CYP3A43: variants seen among roughly 807,000 people sequenced by gnomAD.
CYP3A43 encodes cytochrome P450 family 3 subfamily A member 43, also known as cytochrome P450 3A43.
A neutral mutation model predicts 58.0 loss-of-function variants in CYP3A43; 45 were observed. The ratio of observed to expected loss-of-function variants is 0.78; its 90% CI spans 0.61 to 0.99. The LOEUF (loss-of-function observed/expected upper bound fraction) is 0.99. CYP3A43 is among the 50% of genes least tolerant of loss of function. CYP3A43 has a pLI of 0.00. For missense variants in CYP3A43, 593 were observed against 591.9 expected (o/e 1.00, Z -0.02); for synonymous variants, 191 against 201.4 (o/e 0.95, Z 0.44).
chr7:99,830,589 T>C (rs746607489), intron 1 of CYP3A43, among the ~76,000 whole-genome samples: 2 of 152,204 alleles, frequency 1.3e-5, no homozygotes, highest in African/African-American at 2.4e-5. Flanking sequence ...TACTTGTTCT[T>C]TGGAGCACTG....
intron 11 of CYP3A43, among the ~76,000 whole-genome samples, chr7:99,862,613 A>G (rs1475800840): frequency 6.6e-6 from 1 of 152,228 alleles, no homozygotes; most frequent in Admixed American, 6.5e-5. Context: ...TTTGGGCACA[A>G]TTTGCACTCT....
At chr7:99,857,818 G>A (rs982509939) in intron 9 of CYP3A43, among the ~76,000 whole-genome samples, 3 of 152,082 alleles carry the variant, frequency 2.0e-5, no homozygotes, top group Non-Finnish European at 4.4e-5. Context: ...ACTCCAGCCT[G>A]GGCAACAGAG....
chr7:99,832,918 T>C (rs549045392), intron 1 of CYP3A43, among the ~76,000 whole-genome samples: 5 of 152,260 alleles, frequency 3.3e-5, no homozygotes, highest in Admixed American at 6.5e-5. Flanking sequence ...TAGTTCTTTA[T>C]AGCAGTGTGA....
intron 1 of CYP3A43, among the ~76,000 whole-genome samples, chr7:99,829,602 C>G (rs1345731038): frequency 6.6e-6 from 1 of 152,216 alleles, no homozygotes; most frequent in Non-Finnish European, 1.5e-5. Flanking sequence ...TTGCCTACCT[C>G]TACTCCAACT....
At chr7:99,864,165 T>C (rs1172721381) in intron 12 of CYP3A43, among the ~76,000 whole-genome samples, 1 of 148,660 alleles carries the variant, frequency 6.7e-6, no homozygotes, top group Non-Finnish European at 1.5e-5. Context: ...AAATTCATGA[T>C]GCCTGGATCA....
rs1817087716 is a variant in CYP3A43, at chr7:99,836,545, G to C, written c.164G>C (p.Arg55Thr). ...PFLGTILFYL[R>T]GLWNFDRECN... ...CTGGGAACTATTTTGTTCTACCTTAGGGTAAGTGTTATTTGAGCTCCCTCT... is the reference window on the plus strand; with the variant it reads ...CTGGGAACTATTTTGTTCTACCTTACGGTAAGTGTTATTTGAGCTCCCTCT... Residue 55 changes from arginine (R) to threonine (T), a missense_variant and splice_region_variant, in exon 2 of 13, where the codon AGG becomes ACG. By Grantham distance (71) the Arg-to-Thr change is moderately conservative. Transcript: ENST00000354829. The C allele has an allele frequency of 6.3e-7, 1 of 1,579,192 alleles. No individual in the cohort carries two copies. The highest frequency in any genetic ancestry group is 8.6e-7 in the Non-Finnish European group (1 of 1,168,938).
chr7:99,863,770 A>G, intron 12 of CYP3A43, 71 bp downstream of exon 12: 1 of 1,220,882 alleles, frequency 8.2e-7, no homozygotes, highest in Non-Finnish European at 1.1e-6. Flanking sequence ...TTTTTTAAAA[A>G]TTATTGTTCA....
intron 3 of CYP3A43, among the ~76,000 whole-genome samples, 156 bp from the exon 4 acceptor site, chr7:99,843,987 A>G (rs981423023): frequency 1.3e-5 from 2 of 152,204 alleles, no homozygotes; most frequent in African/African-American, 4.8e-5. Flanking sequence ...ACTCTGTGTC[A>G]TACCCTAATT....
intron 7 of CYP3A43, chr7:99,849,955 ATTT>A (rs71515286): frequency 5.2e-3 from 1,871 of 358,988 alleles, no homozygotes; most frequent in East Asian, 0.011. Flanking sequence ...CTTCCTCACC[ATTT>A]TTTTTTTTTT....
intron 1 of CYP3A43, among the ~76,000 whole-genome samples, chr7:99,830,743 G>A (rs1816810039): frequency 6.6e-6 from 1 of 152,046 alleles, no homozygotes; most frequent in African/African-American, 2.4e-5. Context: ...TCAATCATCA[G>A]GCCATTCTTT....
At position 99,844,209 on chromosome 7, in the gene CYP3A43, G is replaced by A. The variant is rs1817455590; in HGVS notation, c.285G>A (p.Val95=). The change falls in exon 4 of 13, where the codon GTG becomes GTA. Residue 95 remains valine (V), a synonymous_variant. Coordinates refer to ENST00000354829, the MANE Select transcript of CYP3A43 (RefSeq NM_057095.3). The part of the protein sequence containing the change: ...MDPDMIKTVL[V]KECYSVFTNQ... ...CCGACATGATCAAAACAGTGTTAGT[G>A]AAAGAATGTTACTCTGTCTTCACAA... 1 of 1,613,912 alleles carries A rather than the reference G, an allele frequency of 6.2e-7. No individual in the cohort carries two copies. Among genetic ancestry groups the A allele is most frequent in the Non-Finnish European group, 8.5e-7 (1 of 1,179,996 alleles).
At position 99,841,283 on chromosome 7, in the gene CYP3A43, C is replaced by T. The variant is rs144384781; in HGVS notation, c.218+2111C>T. On this transcript the variant is annotated intron_variant, in intron 3 of 12. Coordinates refer to ENST00000354829, the MANE Select transcript of CYP3A43 (RefSeq NM_057095.3). ...TACCTTCCACTAAGTTTTACCAATT[C>T]GTGGCCCCCTCTAATGTTTACTGGA... Among the ~76,000 whole-genome samples the T allele has an allele frequency of 2.0e-3, 298 of 152,266 alleles. 1 individual carries two copies. The highest frequency in any genetic ancestry group is 6.6e-3 in the African/African-American group (276 of 41,544).
At chr7:99,836,592 C>G (rs45503495) in intron 2 of CYP3A43, 46 bp downstream of exon 2, 19,529 of 1,407,380 alleles carry the variant, frequency 0.014, 180 homozygotes, top group Middle Eastern at 0.016. Context: ...TCGATGCAAA[C>G]CCAAGCTTAG....
intron 2 of CYP3A43, among the ~76,000 whole-genome samples, chr7:99,837,318 C>CAAAAAAAAAAAAAAAAA (rs35566033): frequency 1.5e-5 from 1 of 66,690 alleles, no homozygotes; most frequent in African/African-American, 4.4e-5. Flanking sequence ...GACTGTGTCT[C>CAAAAAAAAAAAAAAAAA]AAAAAAAAAA....
rs1489502036 is a variant in CYP3A43 at position 99,847,575 on chromosome 7, G to T, written c.406G>T (p.Ala136Ser). The T allele has an allele frequency of 3.1e-6, 5 of 1,613,768 alleles. No homozygotes were observed. Among genetic ancestry groups the T allele is most frequent in the Non-Finnish European group, 4.2e-6 (5 of 1,179,914 alleles). The part of the protein sequence containing the change: ...WKRIRTLLSP[A>S]FTSVKFKEMV... ...GAGAATACGAACATTGCTATCTCCAGCTTTCACCAGTGTAAAATTCAAGGA... is the reference window on the plus strand; with the variant it reads ...GAGAATACGAACATTGCTATCTCCATCTTTCACCAGTGTAAAATTCAAGGA... The change falls in exon 5 of 13, where the codon GCT becomes TCT. Residue 136 changes from alanine to serine, a missense_variant. By Grantham distance (99) the Ala-to-Ser change is moderately conservative. Transcript: ENST00000354829.
At chr7:99,863,750 GA>G (rs780896670) in intron 12 of CYP3A43, 51 bp downstream of exon 12, 2 of 1,391,962 alleles carry the variant, frequency 1.4e-6, no homozygotes, top group Non-Finnish European at 9.6e-7. Flanking sequence ...TTTAAACTGA[GA>G]AGTCTACATT....
intron 1 of CYP3A43, among the ~76,000 whole-genome samples, chr7:99,828,670 A>T (rs1816719218): frequency 6.6e-6 from 1 of 152,132 alleles, no homozygotes; most frequent in Admixed American, 6.5e-5. Flanking sequence ...CAAAAAAAAA[A>T]ATAAAACTTT....
Position 99,861,791 on chromosome 7 carries a change from A to G in CYP3A43, c.1205A>G (p.His402Arg). 6.2e-7 allele frequency: 1 copy of G among 1,614,136 alleles called. No homozygotes were observed. The highest frequency in any genetic ancestry group is 1.1e-5 in the South Asian group (1 of 91,074). ...LAVMVPIYALHHDPKYWTEPE... is the reference protein window; with the variant it reads ...LAVMVPIYALRHDPKYWTEPE... ...GTGATGGTTCCAATCTATGCTCTTC[A>G]CCATGACCCAAAGTACTGGACAGAG... is the stretch of plus-strand genomic sequence containing the variant. Residue 402 changes from histidine to arginine, a missense_variant, in exon 11 of 13, where the codon CAC becomes CGC. Coordinates refer to ENST00000354829, the MANE Select transcript of CYP3A43 (RefSeq NM_057095.3).
intron 5 of CYP3A43, 127 bp downstream of exon 5, chr7:99,847,728 T>A: frequency 6.9e-7 from 1 of 1,454,404 alleles, no homozygotes; most frequent in East Asian, 2.4e-5. Flanking sequence ...AAGGGTCTTT[T>A]CAGCTGGGCA....
Sources: allele counts gnomAD v4.1 joint callset (sites outside exome capture counted in the v4.1 genomes callset), GRCh38; gene constraint gnomAD v4.1.1; transcripts MANE v1.5; gene names NCBI Gene and HGNC (gene_info 2026-07-23, HGNC 2026-07-21).